Variants in TMEM132C observed in about 807,000 individuals in gnomAD.
TMEM132C encodes protein phosphatase 1, regulatory subunit 152.
A neutral mutation model predicts 61.4 loss-of-function variants in TMEM132C; 29 were observed. The observed-to-expected ratio is 0.47, with a 90% CI of 0.35 to 0.64. The LOEUF is 0.64. TMEM132C is among the 30% of genes least tolerant of loss of function. TMEM132C has a pLI of 0.00. For synonymous variants in TMEM132C, 656 were observed against 633.1 expected, an observed-to-expected ratio of 1.04 and a Z score of -0.54; for missense variants, 1,408 against 1,476.9, an observed-to-expected ratio of 0.95 and a Z score of 0.76.
At chr12:128,313,960 G>A (rs185877502) in intron 1 of TMEM132C, among the ~76,000 whole-genome samples, 22 of 152,280 alleles carry the variant, frequency 1.4e-4, no homozygotes, top group Admixed American at 1.2e-3. Context: ...CTTGTTTGAG[G>A]CTAGATATTC....
chr12:128,592,722 T>G (rs1337019984), intron 3 of TMEM132C, among the ~76,000 whole-genome samples: 1 of 152,144 alleles, frequency 6.6e-6, no homozygotes, highest in Middle Eastern at 3.2e-3. Flanking sequence ...AGAAGATGGG[T>G]GACCTCCAGG....
chr12:128,416,039 A>G (rs892642450), intron 2 of TMEM132C, among the ~76,000 whole-genome samples: 7 of 152,162 alleles, frequency 4.6e-5, no homozygotes, highest in African/African-American at 1.7e-4. Flanking sequence ...TTGGGTATAT[A>G]TGTGAAAAGA....
At chr12:128,553,050 T>C (rs1874225135) in intron 3 of TMEM132C, among the ~76,000 whole-genome samples, 1 of 152,054 alleles carries the variant, frequency 6.6e-6, no homozygotes, top group South Asian at 2.1e-4. Context: ...CACACGAGAG[T>C]GCAAGGGTGT....
rs114447130 is a variant in TMEM132C, at chr12:128,663,593, C to A, written c.1306-5824C>A. Among the ~76,000 whole-genome samples, 1,213 of 152,344 alleles carry A rather than the reference C, an allele frequency of 8.0e-3. 16 individuals are homozygous for A. The highest frequency in any genetic ancestry group is 0.026 in the African/African-American group (1,078 of 41,574). Reference sequence around the variant, plus strand: ...TCAAACTCCCCTAACATATTTCAGTCTATTCACACTTCCGAGTCTTTTTAA... The same window carrying A: ...TCAAACTCCCCTAACATATTTCAGTATATTCACACTTCCGAGTCTTTTTAA... On this transcript the variant is annotated intron_variant, in intron 4 of 8. Coordinates refer to ENST00000435159, the MANE Select transcript of TMEM132C (RefSeq NM_001136103.3).
At chr12:128,502,851 T>C (rs1872228720) in intron 2 of TMEM132C, among the ~76,000 whole-genome samples, 1 of 152,260 alleles carries the variant, frequency 6.6e-6, no homozygotes, top group Non-Finnish European at 1.5e-5. Flanking sequence ...GCACCCAGTT[T>C]GGGCCGGGAT....
chr12:128,289,158 T>TAATA (rs1043937514), intron 1 of TMEM132C: 1 of 18,706 alleles, frequency 5.3e-5, no homozygotes, highest in Admixed American at 1.2e-3. Flanking sequence ...ACATGCACGC[T>TAATA]CATACGCATG....
At chr12:128,495,053 C>T (rs1484289028) in intron 2 of TMEM132C, among the ~76,000 whole-genome samples, 3 of 129,590 alleles carry the variant, frequency 2.3e-5, no homozygotes, top group Non-Finnish European at 5.1e-5. Flanking sequence ...TCTTTGTTCT[C>T]GTTGGTTTCA....
chr12:128,621,654 C>T (rs1399148871), intron 4 of TMEM132C, among the ~76,000 whole-genome samples: 1 of 152,162 alleles, frequency 6.6e-6, no homozygotes, highest in Non-Finnish European at 1.5e-5. Context: ...GTTTCGGGAG[C>T]CCTGGGACAC....
intron 3 of TMEM132C, among the ~76,000 whole-genome samples, chr12:128,614,756 G>T (rs749435736): frequency 6.6e-6 from 1 of 152,188 alleles, no homozygotes; most frequent in Non-Finnish European, 1.5e-5. Context: ...TAGCTAAGTA[G>T]CCCCTCTGAG....
In TMEM132C at chr12:128,434,773, T is replaced by C. The variant is rs550325018; in HGVS notation, c.974+19153T>C. Among the ~76,000 whole-genome samples, 3 of 152,098 alleles carry C rather than the reference T, an allele frequency of 2.0e-5. No individual in the cohort carries two copies. The East Asian group carries it at 5.8e-4, about 29-fold the overall frequency. On this transcript the variant is annotated intron_variant, in intron 2 of 8. Coordinates refer to ENST00000435159, the MANE Select transcript of TMEM132C (RefSeq NM_001136103.3). ...ACATGCCACTATGCCCGGCTAATTT[T>C]TTTTTAAATTTTTTATTTTTGGTAT...
At chr12:128,625,436 G>T (rs1264387404) in intron 4 of TMEM132C, among the ~76,000 whole-genome samples, 1 of 152,150 alleles carries the variant, frequency 6.6e-6, no homozygotes, top group African/African-American at 2.4e-5. Flanking sequence ...TCATGCTGCT[G>T]ATAAAGACAT....
intron 3 of TMEM132C, among the ~76,000 whole-genome samples, chr12:128,596,250 TC>T (rs1383152621): frequency 6.6e-6 from 1 of 150,914 alleles, no homozygotes; most frequent in Non-Finnish European, 1.5e-5. Flanking sequence ...GCTTCACTGA[TC>T]CCATGTTCTG....
chr12:128,463,362 G>A (rs984938448), intron 2 of TMEM132C, among the ~76,000 whole-genome samples: 17 of 151,948 alleles, frequency 1.1e-4, no homozygotes, highest in African/African-American at 2.9e-4. Context: ...CTTGTTGCCC[G>A]GGCTGGAGTG....
intron 3 of TMEM132C, among the ~76,000 whole-genome samples, chr12:128,588,154 C>A (rs1333483755): frequency 6.6e-6 from 1 of 152,172 alleles, no homozygotes; most frequent in Non-Finnish European, 1.5e-5. Flanking sequence ...CTCTTTCTGG[C>A]TGGGTGCAGT....
intron 4 of TMEM132C, among the ~76,000 whole-genome samples, chr12:128,642,594 T>TCCCTCTCTCGCC (rs1326653101): frequency 6.6e-6 from 1 of 152,148 alleles, no homozygotes; most frequent in Non-Finnish European, 1.5e-5. Flanking sequence ...TCTCTCTTGC[T>TCCCTCTCTCGCC]CCCTCTCTCG....
chr12:128,553,862 C>T (rs576878486), intron 3 of TMEM132C, among the ~76,000 whole-genome samples: 1 of 152,284 alleles, frequency 6.6e-6, no homozygotes, highest in South Asian at 2.1e-4. Context: ...AGGGAAGAGG[C>T]AGGGAGCCAG....
intron 3 of TMEM132C, among the ~76,000 whole-genome samples, chr12:128,589,935 C>T (rs978425944): frequency 3.9e-5 from 6 of 152,172 alleles, no homozygotes; most frequent in Admixed American, 1.3e-4. Context: ...TCATCATCAT[C>T]GTTGTTGTTA....
Position 128,611,538 on chromosome 12 carries a change from C to T in TMEM132C, c.1122-4614C>T, listed in dbSNP as rs113630513. 2.5e-3 allele frequency among the ~76,000 whole-genome samples: 381 copies of T among 152,270 alleles called. 1 individual carries two copies. Among genetic ancestry groups the T allele is most frequent in the African/African-American group, 8.7e-3 (360 of 41,548 alleles). On this transcript the variant is annotated intron_variant, in intron 3 of 8. Coordinates refer to ENST00000435159, the MANE Select transcript of TMEM132C (RefSeq NM_001136103.3). Reference sequence around the variant, plus strand: ...TGCTGTCTCACCCCTTGGAGTGCCACGGATCCTGGGCACTGCAGTTGGAGA... The same window carrying T: ...TGCTGTCTCACCCCTTGGAGTGCCATGGATCCTGGGCACTGCAGTTGGAGA...
intron 4 of TMEM132C, among the ~76,000 whole-genome samples, chr12:128,644,851 A>G (rs1470060606): frequency 6.6e-6 from 1 of 152,130 alleles, no homozygotes; most frequent in African/African-American, 2.4e-5. Context: ...TGTTCAGAAA[A>G]GTCCGCGACA....
Sources: allele counts gnomAD v4.1 joint callset (sites outside exome capture counted in the v4.1 genomes callset), GRCh38; gene constraint gnomAD v4.1.1; transcripts MANE v1.5; gene names NCBI Gene and HGNC (gene_info 2026-07-23, HGNC 2026-07-21).